The following SORCS1 variants were observed in gnomAD, a reference collection of about 807,000 sequenced individuals.
SORCS1 encodes VPS10 domain-containing receptor SorCS1.
Under a neutral mutation model 146.1 loss-of-function variants are expected in SORCS1, and 60 were observed. The ratio of observed to expected loss-of-function variants is 0.41; its 90% CI spans 0.33 to 0.51. The LOEUF (loss-of-function observed/expected upper bound fraction) is 0.51, where lower values mean the gene tolerates loss of function less well. Ranked by LOEUF, SORCS1 falls within the 20% of genes least tolerant of loss-of-function variation. The pLI is 0.21. For synonymous variants in SORCS1, 637 were observed against 584.0 expected, an observed-to-expected ratio of 1.09 and a Z score of -1.31; for missense variants, 1,352 against 1,487.6, an observed-to-expected ratio of 0.91 and a Z score of 1.50.
chr10:106,623,939 C>T (rs1475279811), intron 19 of SORCS1, among the ~76,000 whole-genome samples: 1 of 151,840 alleles, frequency 6.6e-6, no homozygotes, highest in Non-Finnish European at 1.5e-5. Context: ...CCACCTCGGC[C>T]CCCCCAAAGT....
intron 5 of SORCS1, among the ~76,000 whole-genome samples, chr10:106,750,669 C>CA (rs1858096988): frequency 1.7e-5 from 2 of 120,518 alleles, no homozygotes; most frequent in South Asian, 2.8e-4. Context: ...ACGGAACTTG[C>CA]AGTGAGCCGA....
At chr10:107,079,029 TC>T (rs1963115601) in intron 1 of SORCS1, among the ~76,000 whole-genome samples, 2 of 152,086 alleles carry the variant, frequency 1.3e-5, no homozygotes, top group African/African-American at 4.8e-5. Flanking sequence ...ATCGAGACCA[TC>T]CTGGCTAACG....
intron 9 of SORCS1, among the ~76,000 whole-genome samples, chr10:106,696,047 C>T (rs189580017): frequency 1.3e-5 from 2 of 152,168 alleles, no homozygotes; most frequent in African/African-American, 4.8e-5. Context: ...ATACACAGAT[C>T]CATCTACATG....
chr10:106,870,746 C>T (rs2137570020), intron 2 of SORCS1, among the ~76,000 whole-genome samples: 1 of 152,230 alleles, frequency 6.6e-6, no homozygotes, highest in South Asian at 2.1e-4. Context: ...TGGAAGACAA[C>T]CTAGGCAATA....
rs192405443 is a variant in SORCS1, at chr10:107,053,273, A to G, written c.559-96693T>C. 8.5e-5 allele frequency among the ~76,000 whole-genome samples: 13 copies of G among 152,244 alleles called. No individual in the cohort carries two copies. In the East Asian group the frequency reaches 2.3e-3, roughly 27 times the overall value. On this transcript the variant is annotated intron_variant, in intron 1 of 25. Coordinates refer to ENST00000263054, the MANE Select transcript of SORCS1 (RefSeq NM_052918.5). Reference sequence around the variant, plus strand: ...CCCCTACTTAAACTTTAAAATGCATACCTCCGGGGAAATCCACTTTACACA... The same window carrying G: ...CCCCTACTTAAACTTTAAAATGCATGCCTCCGGGGAAATCCACTTTACACA...
intron 6 of SORCS1, among the ~76,000 whole-genome samples, chr10:106,723,426 T>C (rs1855921324): frequency 7.2e-6 from 1 of 139,204 alleles, no homozygotes; most frequent in South Asian, 2.3e-4. Context: ...CACAGAATAT[T>C]TAAACAATAA....
At chr10:106,806,727 G>A (rs893161486) in intron 3 of SORCS1, among the ~76,000 whole-genome samples, 4 of 151,852 alleles carry the variant, frequency 2.6e-5, no homozygotes, top group Admixed American at 2.0e-4. Flanking sequence ...ATGTTAGCCA[G>A]GATGGTCTCC....
chr10:106,709,381 G>T, intron 6 of SORCS1, 40 bp from the exon 7 acceptor site: 1 of 1,279,352 alleles, frequency 7.8e-7, no homozygotes, highest in Non-Finnish European at 1.1e-6. Flanking sequence ...GGGGTTGAGG[G>T]GGATATACAG....
intron 1 of SORCS1, among the ~76,000 whole-genome samples, chr10:107,018,945 C>T (rs530680739): frequency 2.6e-5 from 4 of 152,312 alleles, no homozygotes; most frequent in Admixed American, 6.5e-5. Flanking sequence ...AACCAAATAA[C>T]TTGAAGTTCC....
chr10:106,844,704 T>C (rs1949238012), intron 2 of SORCS1, among the ~76,000 whole-genome samples: 1 of 146,092 alleles, frequency 6.8e-6, no homozygotes, highest in Admixed American at 6.8e-5. Context: ...TAGCATTAGG[T>C]ATATCTCCCA....
At chr10:106,750,056 TGAAGCAA>T (rs1320092181) in intron 5 of SORCS1, among the ~76,000 whole-genome samples, 2 of 152,170 alleles carry the variant, frequency 1.3e-5, no homozygotes, top group African/African-American at 4.8e-5. Flanking sequence ...TACAAAGACG[TGAAGCAA>T]ACTTAGAGGC....
At chr10:106,648,562 C>T (rs1453328526) in intron 18 of SORCS1, among the ~76,000 whole-genome samples, 2 of 152,002 alleles carry the variant, frequency 1.3e-5, no homozygotes, top group Non-Finnish European at 2.9e-5. Flanking sequence ...CTCTTCATTC[C>T]TTCTATTATT....
chr10:106,822,362 GC>G (rs1364788305), intron 3 of SORCS1, among the ~76,000 whole-genome samples: 1 of 152,162 alleles, frequency 6.6e-6, no homozygotes, highest in Admixed American at 6.5e-5. Context: ...GTTCCAAAGA[GC>G]CCACGAGTTC....
At chr10:107,034,125 G>GA (rs1206651743) in intron 1 of SORCS1, among the ~76,000 whole-genome samples, 2 of 152,176 alleles carry the variant, frequency 1.3e-5, no homozygotes, top group Non-Finnish European at 1.5e-5. Flanking sequence ...AATTCAACAG[G>GA]AAAATCTCTT....
intron 1 of SORCS1, among the ~76,000 whole-genome samples, chr10:107,114,130 T>C (rs987627860): frequency 3.3e-5 from 5 of 152,042 alleles, no homozygotes; most frequent in South Asian, 2.1e-4. Context: ...AAATAACAAG[T>C]GAGAAGATTG....
chr10:106,624,705 G>T (rs1205583994), intron 19 of SORCS1, among the ~76,000 whole-genome samples: 1 of 152,182 alleles, frequency 6.6e-6, no homozygotes, highest in Admixed American at 6.5e-5. Context: ...TAGTACGTTG[G>T]CCTTGTAGGC....
Position 106,963,110 on chromosome 10 carries a change from A to ATTTTTTTTTTTTTTTTTTTTT in SORCS1, c.559-6551_559-6531dup, listed in dbSNP as rs749174613. ...AAGAGAGCAGTGTTCAATGGCCAGAATTTTTTTTTTTTTTTTTTTTTTTTT... is the reference window on the plus strand; with the variant it reads ...AAGAGAGCAGTGTTCAATGGCCAGAATTTTTTTTTTTTTTTTTTTTTTTTTTTTTTTTTTTTTTTTTTTTTT... On this transcript the variant is annotated intron_variant, in intron 1 of 25. Coordinates refer to ENST00000263054, the MANE Select transcript of SORCS1 (RefSeq NM_052918.5). Among the ~76,000 whole-genome samples, 27 of 76,306 alleles carry ATTTTTTTTTTTTTTTTTTTTT rather than the reference A, an allele frequency of 3.5e-4. 4 individuals carry two copies. Among genetic ancestry groups the ATTTTTTTTTTTTTTTTTTTTT allele is most frequent in the East Asian group, 1.8e-3 (4 of 2,284 alleles). The allele number at this position is 76,306 out of a possible 152,430, so 50.1% of individuals were successfully genotyped here.
At chr10:107,176,574 A>T in the SORCS1 span, among the ~76,000 whole-genome samples, 1 of 152,018 alleles carries the variant, frequency 6.6e-6, no homozygotes, top group South Asian at 2.1e-4. Flanking sequence ...TCCTGGTCTC[A>T]AGCGATCCTC....
At chr10:106,777,360 T>G (rs972810497) in intron 3 of SORCS1, among the ~76,000 whole-genome samples, 12 of 152,218 alleles carry the variant, frequency 7.9e-5, no homozygotes, top group African/African-American at 2.7e-4. Flanking sequence ...CGAACAGAGA[T>G]AGCTGTCTGT....
Sources: allele counts gnomAD v4.1 joint callset (sites outside exome capture counted in the v4.1 genomes callset), GRCh38; gene constraint gnomAD v4.1.1; transcripts MANE v1.5; gene names NCBI Gene and HGNC (gene_info 2026-07-23, HGNC 2026-07-21).